TTC7B: variants seen among roughly 807,000 people sequenced by gnomAD.
TTC7B encodes the protein tetratricopeptide repeat protein 7B.
A neutral mutation model predicts 106.8 loss-of-function variants in TTC7B; 28 were observed. The observed-to-expected ratio is 0.26, with a 90% CI of 0.19 to 0.36. TTC7B has a LOEUF of 0.36. TTC7B is among the 10% of genes least tolerant of loss of function. The pLI is 1.00. For missense variants in TTC7B, 862 were observed against 1,076.4 expected, an observed-to-expected ratio of 0.80 and a Z score of 2.79; for synonymous variants, 405 against 430.6, an observed-to-expected ratio of 0.94 and a Z score of 0.74.
chr14:90,783,714 A>C (rs1329963965), intron 2 of TTC7B, among the ~76,000 whole-genome samples: 1 of 152,170 alleles, frequency 6.6e-6, no homozygotes, highest in African/African-American at 2.4e-5. Flanking sequence ...ACGCAGGCAG[A>C]TCACCTGAGG....
intron 3 of TTC7B, among the ~76,000 whole-genome samples, chr14:90,766,074 AC>A (rs1185717576): frequency 2.6e-5 from 4 of 151,788 alleles, no homozygotes; most frequent in African/African-American, 9.7e-5. Context: ...CTCAGAGAAG[AC>A]CTAAGAAGAC....
At position 90,577,013 on chromosome 14, in the gene TTC7B, G is replaced by A. The variant is rs1003052348; in HGVS notation, c.2310+1093C>T. Reference sequence around the variant, plus strand: ...TAAAGAGCAAGCAGCTGATGTCGCTGGGACCAGAACTGTGTCCTCAGACTC... The same window carrying A: ...TAAAGAGCAAGCAGCTGATGTCGCTAGGACCAGAACTGTGTCCTCAGACTC... On this transcript the variant is annotated intron_variant, in intron 19 of 19. Transcript: ENST00000328459. The surrounding 1 kb of genome is among the most constrained non-coding windows in gnomAD (Gnocchi z 5.0). Among the ~76,000 whole-genome samples, 4 of 152,100 alleles carry A rather than the reference G, an allele frequency of 2.6e-5. No individual in the cohort carries two copies. The highest frequency in any genetic ancestry group is 1.3e-4 in the Admixed American group (2 of 15,280).
intron 3 of TTC7B, among the ~76,000 whole-genome samples, chr14:90,758,498 C>G (rs1890390776): frequency 1.3e-5 from 2 of 151,834 alleles, no homozygotes; most frequent in African/African-American, 2.4e-5. Flanking sequence ...GTCCCAAGGC[C>G]GACCCGGCCG....
chr14:90,766,980 G>C, intron 3 of TTC7B: 22 of 1,288,174 alleles, frequency 1.7e-5, no homozygotes, highest in Non-Finnish European at 2.3e-5. Context: ...GTGTGTCCAA[G>C]AAGAAATAAG....
At chr14:90,620,240 C>T (rs773755171) in intron 15 of TTC7B, among the ~76,000 whole-genome samples, 8 of 151,908 alleles carry the variant, frequency 5.3e-5, no homozygotes, top group Admixed American at 1.3e-4. Flanking sequence ...GCATAAAGAG[C>T]GAGGCTAGAT....
chr14:90,707,943 G>T (rs1308895776), intron 5 of TTC7B, among the ~76,000 whole-genome samples: 1 of 152,010 alleles, frequency 6.6e-6, no homozygotes. Flanking sequence ...TTAGGAGCTC[G>T]AGACCAGCCT....
Position 90,570,225 on chromosome 14 carries a change from TC to T in TTC7B, c.2310+7880del, listed in dbSNP as rs145411518. On this transcript the variant is annotated intron_variant, in intron 19 of 19. Transcript: ENST00000328459. This position sits in a 1 kb window ranked among gnomAD's most constrained non-coding sequence, Gnocchi z 4.0. ...CTGACATCCCACTGTGCTGGAGTGT[TC>T]CATTAATCAGCCTGACCAAGCCTCG... 0.012 allele frequency among the ~76,000 whole-genome samples: 1,868 copies of T among 152,236 alleles called. 35 individuals are homozygous for T. The highest frequency in any genetic ancestry group is 0.043 in the African/African-American group (1,793 of 41,530).
At chr14:90,551,845 G>C (rs1890093025) in intron 19 of TTC7B, among the ~76,000 whole-genome samples, 1 of 152,186 alleles carries the variant, frequency 6.6e-6, no homozygotes, top group Non-Finnish European at 1.5e-5. Flanking sequence ...AGCTGAGGGG[G>C]CAGCCCTGAG....
At chr14:90,790,627 C>A (rs1349708261) in intron 1 of TTC7B, among the ~76,000 whole-genome samples, 1 of 152,066 alleles carries the variant, frequency 6.6e-6, no homozygotes, top group African/African-American at 2.4e-5. Context: ...GCCACAGGGA[C>A]CCTGCATCTG....
At chr14:90,772,971 A>T (rs1027546061) in intron 3 of TTC7B, 4 of 152,310 alleles carry the variant, frequency 2.6e-5, no homozygotes, top group African/African-American at 4.8e-5. Context: ...TAAATAATAA[A>T]TTTTTTAAAA....
At chr14:90,691,868 C>T (rs1405130602) in intron 6 of TTC7B, among the ~76,000 whole-genome samples, 1 of 152,332 alleles carries the variant, frequency 6.6e-6, no homozygotes, top group East Asian at 1.9e-4. Context: ...TCACTCCCCA[C>T]TTCCCCTCCC....
intron 3 of TTC7B, among the ~76,000 whole-genome samples, chr14:90,756,567 G>A (rs1051996375): frequency 2.0e-5 from 3 of 151,696 alleles, no homozygotes; most frequent in Non-Finnish European, 4.4e-5. Context: ...CTAATTTTTT[G>A]TATTTTTAGT....
In TTC7B at chr14:90,575,169, A is replaced by G. The variant is rs1891208635; in HGVS notation, c.2310+2937T>C. Among the ~76,000 whole-genome samples, 3 of 152,330 alleles carry G rather than the reference A, an allele frequency of 2.0e-5. No individual in the cohort carries two copies. In the South Asian group the frequency reaches 6.2e-4, roughly 32 times the overall value. Reference sequence around the variant, plus strand: ...CCTTCCTCTTAACTCAGGGGCTTGCAAACCAATCCACCTTCCGTGAGGGTA... The same window carrying G: ...CCTTCCTCTTAACTCAGGGGCTTGCGAACCAATCCACCTTCCGTGAGGGTA... On this transcript the variant is annotated intron_variant, in intron 19 of 19. Transcript: ENST00000328459. This position sits in a 1 kb window ranked among gnomAD's most constrained non-coding sequence, Gnocchi z 5.2.
chr14:90,548,365 G>A (rs1264026899), intron 19 of TTC7B, among the ~76,000 whole-genome samples: 1 of 152,226 alleles, frequency 6.6e-6, no homozygotes, highest in Non-Finnish European at 1.5e-5. Context: ...GGGTAGAGGT[G>A]GGCATGGGTG....
chr14:90,611,334 C>T (rs573887250), intron 16 of TTC7B, among the ~76,000 whole-genome samples: 106 of 152,206 alleles, frequency 7.0e-4, no homozygotes, highest in Non-Finnish European at 1.1e-3. Context: ...CCACTGTGAA[C>T]CGAACAAATC....
At chr14:90,792,575 TCAA>T (rs369061486) in intron 1 of TTC7B, among the ~76,000 whole-genome samples, 18 of 152,002 alleles carry the variant, frequency 1.2e-4, no homozygotes, top group Non-Finnish European at 2.2e-4. Context: ...AGACTCTGTC[TCAA>T]CAACAACAAC....
chr14:90,756,419 G>A (rs1238737336), intron 3 of TTC7B, among the ~76,000 whole-genome samples: 1 of 142,018 alleles, frequency 7.0e-6, no homozygotes, highest in Non-Finnish European at 1.5e-5. Flanking sequence ...TTTTGAGACA[G>A]TTTCAGTCTT....
chr14:90,591,083 T>C lies in TTC7B; in HGVS notation c.2107+2403A>G, dbSNP rs529187395. ...GGCTGGGCACGGTGCCTCACACCTGTAATCCTAGCACTTTAGGAGGCTGAG... is the reference window on the plus strand; with the variant it reads ...GGCTGGGCACGGTGCCTCACACCTGCAATCCTAGCACTTTAGGAGGCTGAG... On this transcript the variant is annotated intron_variant, in intron 18 of 19. Coordinates refer to ENST00000328459, the MANE Select transcript of TTC7B (RefSeq NM_001010854.2). Among the ~76,000 whole-genome samples the C allele has an allele frequency of 3.9e-5, 6 of 152,332 alleles. 1 individual carries two copies. The highest frequency in any genetic ancestry group is 1.2e-4 in the African/African-American group (5 of 41,576).
At position 90,529,196 on chromosome 14, in the gene TTC7B, G is replaced by A. The variant is rs1304573147; in HGVS notation, c.*12172C>T. Reference sequence around the variant, plus strand: ...TGATGGCGTGACCTGACTGCGCTTTGTTACCTCTTTCCGATAGCGGGATCT... The same window carrying A: ...TGATGGCGTGACCTGACTGCGCTTTATTACCTCTTTCCGATAGCGGGATCT... On this transcript the variant is annotated 3_prime_UTR_variant, in exon 20 of 20. Transcript: ENST00000328459. The A allele has an allele frequency of 6.5e-6, 1 of 153,792 alleles. No individual in the cohort carries two copies. Among genetic ancestry groups the A allele is most frequent in the Admixed American group, 6.5e-5 (1 of 15,314 alleles). 9.5% of individuals were successfully genotyped at this position (153,792 alleles called of 1,614,324 possible).
Sources: gnomAD v4.1 joint callset for allele counts (sites outside exome capture counted in the v4.1 genomes callset) on GRCh38, gnomAD v4.1.1 for gene constraint, Gnocchi (gnomAD v3.1) non-coding constraint, MANE v1.5 for transcripts, NCBI Gene and HGNC (gene_info 2026-07-23, HGNC 2026-07-21) for gene names.